Variants in ZNF461 observed in about 807,000 individuals in gnomAD.
The protein encoded by ZNF461 is zinc finger protein 461.
Under a neutral mutation model 18.3 loss-of-function variants are expected in ZNF461, and 16 were observed. The ratio of observed to expected loss-of-function variants is 0.88; its 90% CI spans 0.59 to 1.33. The LOEUF (loss-of-function observed/expected upper bound fraction) is 1.33. Among genes scored for constraint, ZNF461 ranks in the 40% most tolerant of loss-of-function variants. The pLI is 0.00. For missense variants in ZNF461, 595 were observed against 669.9 expected (o/e 0.89, Z 1.23); for synonymous variants, 179 against 216.9 (o/e 0.83, Z 1.54).
At chr19:36,644,047 T>C (rs1022278123) in intron 4 of ZNF461, among the ~76,000 whole-genome samples, 185 bp from the exon 5 acceptor site, 8 of 151,572 alleles carry the variant, frequency 5.3e-5, no homozygotes, top group Non-Finnish European at 8.8e-5. Flanking sequence ...ATTCTCCTGC[T>C]TCAGCCTCCC....
chr19:36,665,439 G>A (rs753021532), intron 1 of ZNF461, among the ~76,000 whole-genome samples: 1 of 152,138 alleles, frequency 6.6e-6, no homozygotes, highest in Non-Finnish European at 1.5e-5. Flanking sequence ...GGCCGGGCGC[G>A]GTGGCTCACG....
chr19:36,636,979 TG>T lies in ZNF461; in HGVS notation c.*1673del, dbSNP rs1313598445. Among the ~76,000 whole-genome samples, 1 of 152,164 alleles carries T rather than the reference TG, an allele frequency of 6.6e-6. No individual in the cohort carries two copies. Among genetic ancestry groups the T allele is most frequent in the African/African-American group, 2.4e-5 (1 of 41,452 alleles). The stretch of plus-strand genomic sequence containing the variant: ...TCACACTCTGGTCATAGGAACGTGA[TG>T]GCAATTAGGAGGCTTTCCTCCTCAG... On this transcript the variant is annotated 3_prime_UTR_variant, in exon 6 of 6. Transcript: ENST00000588268.
rs1181935798 is a variant in ZNF461 at position 36,636,926 on chromosome 19, GCA to G, written c.*1725_*1726del. Among the ~76,000 whole-genome samples, 4 of 152,154 alleles carry G rather than the reference GCA, an allele frequency of 2.6e-5. No individual in the cohort carries two copies. The highest frequency in any genetic ancestry group is 9.7e-5 in the African/African-American group (4 of 41,440). ...TTCAAAGGAGTGTCTTTCTCCTTGA[GCA>G]CAGTGTTTATAGATAAGAGAGCAGG... On this transcript the variant is annotated 3_prime_UTR_variant, in exon 6 of 6. Coordinates refer to ENST00000588268, the MANE Select transcript of ZNF461 (RefSeq NM_153257.5).
In ZNF461 at chr19:36,638,688, G is replaced by GAA; in HGVS notation, c.1655_1656dup (p.Pro553PhefsTer10). The GAA allele has an allele frequency of 6.2e-7, 1 of 1,612,908 alleles. No homozygotes were observed. The highest frequency in any genetic ancestry group is 8.5e-7 in the Non-Finnish European group (1 of 1,179,172). ...AGACTAGGATGGGGAGGGAGGAGAG[G>GAA]AAACCTGACTGGCTTCTCGCCAGTA... On this transcript the variant is annotated frameshift_variant, in exon 6 of 6. Transcript: ENST00000588268. LOFTEE classifies it high-confidence loss of function.
chr19:36,663,123 G>A (rs2037844655), intron 2 of ZNF461, among the ~76,000 whole-genome samples: 1 of 152,144 alleles, frequency 6.6e-6, no homozygotes, highest in African/African-American at 2.4e-5. Flanking sequence ...AGTATATAAT[G>A]TCTTTCTGCC....
At chr19:36,652,141 C>T (rs1006493587) in intron 4 of ZNF461, among the ~76,000 whole-genome samples, 1 of 152,072 alleles carries the variant, frequency 6.6e-6, no homozygotes, top group Non-Finnish European at 1.5e-5. Context: ...CTAAATTTCA[C>T]AACTTTACAA....
chr19:36,643,209 T>C (rs1280179137), intron 5 of ZNF461: 1 of 152,246 alleles, frequency 6.6e-6, no homozygotes, highest in Non-Finnish European at 1.5e-5. Context: ...AACCACCACT[T>C]AACCAAGAAA....
At chr19:36,650,258 G>A (rs1472453216) in intron 4 of ZNF461, among the ~76,000 whole-genome samples, 2 of 151,978 alleles carry the variant, frequency 1.3e-5, no homozygotes, top group Non-Finnish European at 2.9e-5. Flanking sequence ...ACAACTATAA[G>A]TACATATATA....
intron 4 of ZNF461, among the ~76,000 whole-genome samples, chr19:36,650,819 GATAA>G (rs957095494): frequency 1.4e-5 from 2 of 144,860 alleles, no homozygotes; most frequent in African/African-American, 5.1e-5. Context: ...ATATAAATAT[GATAA>G]ATAAGAAAAA....
chr19:36,656,463 C>G lies in ZNF461; in HGVS notation c.217G>C (p.Gly73Arg). 1 of 1,614,132 alleles carries G rather than the reference C, an allele frequency of 6.2e-7. No homozygotes were observed. Among genetic ancestry groups the G allele is most frequent in the South Asian group, 1.1e-5 (1 of 91,086 alleles). Residue 73 changes from glycine to arginine, a missense_variant, in exon 4 of 6, where the codon GGA becomes CGA. By Grantham distance (125) the Gly-to-Arg change is moderately radical. Transcript: ENST00000588268. The part of the protein sequence containing the change: ...EPWMVVREET[G>R]RWCPGTWKTW... ...GCTCACTCACCTGGGCACCATCTTC[C>G]TGTCTCTTCCCTCACAACCATCCAG...
chr19:36,652,623 A>G (rs900359462), intron 4 of ZNF461, among the ~76,000 whole-genome samples: 6 of 152,092 alleles, frequency 3.9e-5, no homozygotes, highest in African/African-American at 1.4e-4. Flanking sequence ...CACACCAAAA[A>G]CACAATTCAT....
intron 3 of ZNF461, 54 bp from the exon 4 acceptor site, chr19:36,656,597 A>G (rs1445359111): frequency 2.2e-6 from 3 of 1,382,602 alleles, no homozygotes; most frequent in African/African-American, 2.9e-5. Flanking sequence ...ATCCAAATAC[A>G]GTGATTTAGA....
Position 36,638,079 on chromosome 19 carries a change from C to A in ZNF461, c.*574G>T, listed in dbSNP as rs933480052. The A allele has an allele frequency of 3.3e-5, 7 of 211,896 alleles. No individual in the cohort carries two copies. The highest frequency in any genetic ancestry group is 6.3e-5 in the South Asian group (1 of 15,978). The allele number at this position is 211,896 out of a possible 1,614,324, so 13.1% of individuals were successfully genotyped here. A position where few individuals can be genotyped will look rare whatever the true frequency, so the allele number is the denominator to read the frequency against. The stretch of plus-strand genomic sequence containing the variant: ...AGTTCTAGGTGAACATTAGAAACAA[C>A]TTCAATGTCTGTAGTAGGTAATGGC... On this transcript the variant is annotated 3_prime_UTR_variant, in exon 6 of 6. Transcript: ENST00000588268.
At chr19:36,646,117 GTTA>G (rs2037522400) in intron 4 of ZNF461, among the ~76,000 whole-genome samples, 1 of 9,664 alleles carries the variant, frequency 1.0e-4, no homozygotes, top group South Asian at 1.5e-3. Flanking sequence ...TGTTGTTGTT[GTTA>G]TTGTTGTTGT....
chr19:36,657,498 G>A (rs1346242135), intron 3 of ZNF461, among the ~76,000 whole-genome samples: 2 of 149,020 alleles, frequency 1.3e-5, no homozygotes, highest in African/African-American at 5.0e-5. Flanking sequence ...AATTAAAAAG[G>A]CCAGGTGCGG....
chr19:36,651,065 A>T (rs1039943918), intron 4 of ZNF461, among the ~76,000 whole-genome samples: 5 of 151,646 alleles, frequency 3.3e-5, no homozygotes, highest in African/African-American at 7.3e-5. Flanking sequence ...CCCCGTCTCA[A>T]CTAAAAATAC....
At chr19:36,664,629 CA>C (rs951922467) in intron 2 of ZNF461, 68 bp downstream of exon 2, 90 of 1,285,694 alleles carry the variant, frequency 7.0e-5, no homozygotes, top group South Asian at 1.3e-4. Context: ...ATGCCCTATA[CA>C]AAAAAAACAA....
At chr19:36,653,324 G>A (rs2037661010) in intron 4 of ZNF461, among the ~76,000 whole-genome samples, 1 of 152,128 alleles carries the variant, frequency 6.6e-6, no homozygotes, top group Non-Finnish European at 1.5e-5. Context: ...ATGTGTATGT[G>A]TATATGAAAT....
At chr19:36,664,658 A>C in intron 2 of ZNF461, 40 bp downstream of exon 2, 1 of 1,496,906 alleles carries the variant, frequency 6.7e-7, no homozygotes, top group Non-Finnish European at 8.9e-7. Flanking sequence ...CAAACAAAAA[A>C]TCAAGTATTG....
Sources: gnomAD v4.1 joint callset for allele counts (sites outside exome capture counted in the v4.1 genomes callset) on GRCh38, gnomAD v4.1.1 for gene constraint, MANE v1.5 for transcripts, NCBI Gene and HGNC (gene_info 2026-07-23, HGNC 2026-07-21) for gene names.